GSR: variants seen among roughly 807,000 people sequenced by gnomAD.
GSR encodes the protein glutathione-disulfide reductase, also known as glutathione reductase, mitochondrial.
GSR carries 48 observed loss-of-function variants against 56.5 expected under a neutral mutation model. The observed-to-expected ratio is 0.85, with a 90% CI of 0.67 to 1.08. The LOEUF (loss-of-function observed/expected upper bound fraction) is 1.08, where lower values mean the gene tolerates loss of function less well. Ranked by LOEUF, GSR falls within the 50% of genes least tolerant of loss-of-function variation. The probability of loss-of-function intolerance (pLI) is 0.00; values close to 1 mark genes in which losing one functional copy is unlikely to be tolerated. For synonymous variants in GSR, 264 were observed against 270.8 expected (o/e 0.97, Z 0.25); for missense variants, 694 against 703.3 (o/e 0.99, Z 0.15).
At chr8:30,702,408 A>G (rs111458086) in intron 5 of GSR, among the ~76,000 whole-genome samples, 106 of 152,342 alleles carry the variant, frequency 7.0e-4, no homozygotes, top group African/African-American at 1.7e-3. Context: ...TTAATCTTCT[A>G]TAAGTCTCTA....
intron 7 of GSR, among the ~76,000 whole-genome samples, chr8:30,695,756 C>G (rs1024590832): frequency 2.6e-5 from 4 of 151,986 alleles, no homozygotes; most frequent in Non-Finnish European, 5.9e-5. Context: ...ATAAATTAAC[C>G]TGGCGGGGCT....
intron 6 of GSR, among the ~76,000 whole-genome samples, chr8:30,697,368 T>C (rs1456668740): frequency 6.6e-6 from 1 of 151,438 alleles, no homozygotes; most frequent in East Asian, 1.9e-4. Context: ...AAGCCAAGAT[T>C]GCACCAATGC....
At chr8:30,693,108 G>A (rs751430371) in intron 7 of GSR, 53 bp from the exon 8 acceptor site, 1 of 1,088,466 alleles carries the variant, frequency 9.2e-7, no homozygotes, top group Non-Finnish European at 1.4e-6. Flanking sequence ...CTTGAGCAAA[G>A]ACACACCACA....
intron 2 of GSR, 50 bp from the exon 3 acceptor site, chr8:30,709,952 T>C (rs1442797826): frequency 6.0e-6 from 6 of 1,006,920 alleles, no homozygotes; most frequent in East Asian, 2.4e-5. Flanking sequence ...AAATCAGTCC[T>C]GAGGGAAAAA....
chr8:30,718,549 G>A (rs572920752), intron 1 of GSR, among the ~76,000 whole-genome samples: 42 of 152,212 alleles, frequency 2.8e-4, no homozygotes, highest in Admixed American at 1.6e-3. Flanking sequence ...ACGGAAAGGC[G>A]GAGATAAATT....
intron 7 of GSR, among the ~76,000 whole-genome samples, chr8:30,695,100 GATTCCCTTT>G (rs1803502676): frequency 1.3e-5 from 2 of 152,038 alleles, no homozygotes; most frequent in Admixed American, 1.3e-4. Flanking sequence ...TGATCTACAA[GATTCCCTTT>G]AATGTAAGCT....
chr8:30,721,597 G>C (rs562863702), intron 1 of GSR, among the ~76,000 whole-genome samples: 1 of 151,826 alleles, frequency 6.6e-6, no homozygotes, highest in East Asian at 1.9e-4. Flanking sequence ...AGGTTGCCGT[G>C]AGCCAAGATC....
intron 1 of GSR, among the ~76,000 whole-genome samples, chr8:30,723,783 A>AACACACAC (rs5890533): frequency 9.5e-5 from 5 of 52,620 alleles, no homozygotes; most frequent in Admixed American, 3.8e-4. Flanking sequence ...CAGAGCAACA[A>AACACACAC]ACACACACAC....
intron 1 of GSR, among the ~76,000 whole-genome samples, chr8:30,715,993 A>AT (rs994483594): frequency 2.6e-5 from 4 of 152,176 alleles, no homozygotes; most frequent in Admixed American, 2.0e-4. Context: ...CCTGGTGTCT[A>AT]TAACTCTGGT....
chr8:30,720,200 A>G (rs986080223), intron 1 of GSR, among the ~76,000 whole-genome samples: 2 of 151,950 alleles, frequency 1.3e-5, no homozygotes, highest in African/African-American at 4.8e-5. Context: ...GTGACAGAGC[A>G]AGACCCTGTC....
chr8:30,696,328 T>A, intron 7 of GSR, 52 bp downstream of exon 7: 1 of 1,235,610 alleles, frequency 8.1e-7, no homozygotes, highest in Admixed American at 1.7e-5. Context: ...AAAAAATTCT[T>A]CATTTTTTAA....
rs147753315 is a variant in GSR at position 30,711,877 on chromosome 8, T to TA, written c.333+184dup. Among the ~76,000 whole-genome samples, 1,492 of 151,612 alleles carry TA rather than the reference T, an allele frequency of 9.8e-3. 26 individuals are homozygous for TA. Among genetic ancestry groups the TA allele is most frequent in the African/African-American group, 0.034 (1,419 of 41,434 alleles). On this transcript the variant is annotated intron_variant, in intron 2 of 12. Transcript: ENST00000221130. ...AAAATAAAAAGTAATTAAAAATAAA[T>TA]AAAAAAATTTAAAAAACACAAATCA...
chr8:30,688,174 A>G (rs1354271186), intron 9 of GSR, among the ~76,000 whole-genome samples: 1 of 152,194 alleles, frequency 6.6e-6, no homozygotes, highest in African/African-American at 2.4e-5. Context: ...CCCACCCAGC[A>G]ATCTGGATTA....
intron 6 of GSR, among the ~76,000 whole-genome samples, chr8:30,697,249 C>T (rs1272492355): frequency 6.6e-6 from 1 of 151,790 alleles, no homozygotes; most frequent in Non-Finnish European, 1.5e-5. Flanking sequence ...CCCGTCTCTA[C>T]TAAAAATACA....
chr8:30,680,614 C>G (rs758077105), intron 12 of GSR, among the ~76,000 whole-genome samples: 2 of 152,022 alleles, frequency 1.3e-5, no homozygotes, highest in African/African-American at 2.4e-5. Flanking sequence ...AGGCTAGTCT[C>G]AAACTCCTGA....
chr8:30,679,307 T>G lies in GSR; in HGVS notation c.*213A>C. ...AAAAACTTGAAAATATTAATTACTG[T>G]GAGATGTGATCAAATGAAAATCAAT... On this transcript the variant is annotated 3_prime_UTR_variant, in exon 13 of 13. Coordinates refer to ENST00000221130, the MANE Select transcript of GSR (RefSeq NM_000637.5). The G allele has an allele frequency of 1.7e-6, 1 of 593,850 alleles. No homozygotes were observed. The highest frequency in any genetic ancestry group is 3.0e-6 in the Non-Finnish European group (1 of 337,320). 36.8% of individuals were successfully genotyped at this position (593,850 alleles called of 1,614,324 possible).
intron 4 of GSR, among the ~76,000 whole-genome samples, chr8:30,704,474 C>T (rs1436562074): frequency 6.6e-6 from 1 of 152,162 alleles, no homozygotes; most frequent in African/African-American, 2.4e-5. Context: ...GGGAAGAATA[C>T]CACAAAAGTA....
At chr8:30,708,488 A>G (rs558748683) in intron 3 of GSR, among the ~76,000 whole-genome samples, 64 of 152,384 alleles carry the variant, frequency 4.2e-4, no homozygotes, top group South Asian at 3.1e-3. Flanking sequence ...AAATTTCTTC[A>G]AAACTGTTAA....
chr8:30,689,761 TAC>T (rs973445357), intron 8 of GSR, among the ~76,000 whole-genome samples: 25 of 84,182 alleles, frequency 3.0e-4, no homozygotes, highest in East Asian at 3.7e-4. Context: ...TATATATATA[TAC>T]ACACACACAT....
Sources: gnomAD v4.1 joint callset for allele counts (sites outside exome capture counted in the v4.1 genomes callset) on GRCh38, gnomAD v4.1.1 for gene constraint, MANE v1.5 for transcripts, NCBI Gene and HGNC (gene_info 2026-07-23, HGNC 2026-07-21) for gene names.